The following DUSP16 variants were observed in gnomAD, a reference collection of about 807,000 sequenced individuals.
DUSP16 encodes the protein dual specificity phosphatase 16.
Under a neutral mutation model 58.3 loss-of-function variants are expected in DUSP16, and 21 were observed. The ratio of observed to expected loss-of-function variants is 0.36; its 90% CI spans 0.26 to 0.52. The LOEUF is 0.52. DUSP16 is among the 20% of genes least tolerant of loss of function. DUSP16 has a pLI of 0.94. For missense variants in DUSP16, 726 were observed against 819.0 expected (o/e 0.89, Z 1.39); for synonymous variants, 320 against 323.8 (o/e 0.99, Z 0.12).
intron 4 of DUSP16, among the ~76,000 whole-genome samples, chr12:12,496,636 A>G (rs1943831868): frequency 6.6e-6 from 1 of 152,256 alleles, no homozygotes. Context: ...AAATGTGAAC[A>G]AAAGTCTGCA....
In DUSP16 at chr12:12,476,583, T is replaced by A; in HGVS notation, c.*250A>T. ...AGGATGTGTAATTCACTGAATAAAA[T>A]GGTTTTCCTCCGTCTAGGGGGGATT... is the stretch of plus-strand genomic sequence containing the variant. On this transcript the variant is annotated 3_prime_UTR_variant, in exon 7 of 7. Coordinates refer to ENST00000298573, the MANE Select transcript of DUSP16 (RefSeq NM_030640.3). 1 of 372,872 alleles carries A rather than the reference T, an allele frequency of 2.7e-6. No homozygotes were observed. Among genetic ancestry groups the A allele is most frequent in the Non-Finnish European group, 4.7e-6 (1 of 210,576 alleles). 23.1% of individuals were successfully genotyped at this position (372,872 alleles called of 1,614,324 possible).
chr12:12,477,384 G>C lies in DUSP16; in HGVS notation c.1447C>G (p.Arg483Gly), dbSNP rs1224744175. 6.2e-7 allele frequency: 1 copy of C among 1,613,218 alleles called. No homozygotes were observed. Among genetic ancestry groups the C allele is most frequent in the South Asian group, 1.1e-5 (1 of 91,000 alleles). The change falls in exon 7 of 7, where the codon CGA (arginine) becomes GGA (glycine). Residue 483 changes from arginine (R) to glycine (G), a missense_variant. Physicochemically the swap from Arg to Gly is moderately radical, Grantham distance 125 (BLOSUM62 -2). Transcript: ENST00000298573. The surrounding 1 kb of genome is among the most constrained non-coding windows in gnomAD (Gnocchi z 4.1). ...CTGCTGGTTCTGACCGAATGCAATCGCTTGCTCTGGCTGTCTGAAGGCCTG... is the reference window on the plus strand; with the variant it reads ...CTGCTGGTTCTGACCGAATGCAATCCCTTGCTCTGGCTGTCTGAAGGCCTG... ...TARPSDSQSK[R>G]LHSVRTSSSG...
At chr12:12,548,423 G>A (rs1466073108) in intron 1 of DUSP16, among the ~76,000 whole-genome samples, 4 of 151,994 alleles carry the variant, frequency 2.6e-5, no homozygotes, top group African/African-American at 9.7e-5. Flanking sequence ...CCTGAGGTCA[G>A]GAGTTTGAGA....
chr12:12,548,871 G>C (rs1944687345), intron 1 of DUSP16, among the ~76,000 whole-genome samples: 1 of 152,004 alleles, frequency 6.6e-6, no homozygotes, highest in Non-Finnish European at 1.5e-5. Flanking sequence ...AAATCATCAG[G>C]AGGGGATTTC....
chr12:12,480,497 TGAG>T (rs1943544401), intron 5 of DUSP16, 151 bp from the exon 6 acceptor site: 1 of 934,806 alleles, frequency 1.1e-6, no homozygotes, highest in East Asian at 2.8e-5. Flanking sequence ...AATATTCTTT[TGAG>T]GAGGCAGGGG....
chr12:12,504,771 A>G (rs10743989), intron 3 of DUSP16, among the ~76,000 whole-genome samples: 57,680 of 150,272 alleles, frequency 0.38, 11,424 homozygotes, highest in East Asian at 0.52. Context: ...CAGCTACTTG[A>G]GAGGCTGAGG....
chr12:12,480,939 T>G (rs1943552926), intron 5 of DUSP16, among the ~76,000 whole-genome samples: 1 of 152,090 alleles, frequency 6.6e-6, no homozygotes, highest in Non-Finnish European at 1.5e-5. Flanking sequence ...GGCTGGTCTC[T>G]AACTCCTGGC....
In DUSP16 at chr12:12,551,691, C is replaced by CT. The variant is rs35198357; in HGVS notation, c.-366+10425dup. Among the ~76,000 whole-genome samples, 556 of 140,104 alleles carry CT rather than the reference C, an allele frequency of 4.0e-3. 2 individuals carry two copies. Among genetic ancestry groups the CT allele is most frequent in the Middle Eastern group, 7.4e-3 (2 of 270 alleles). The allele number at this position is 140,104 out of a possible 152,430, so 91.9% of individuals were successfully genotyped here. On this transcript the variant is annotated intron_variant, in intron 1 of 6. Coordinates refer to ENST00000298573, the MANE Select transcript of DUSP16 (RefSeq NM_030640.3). Reference sequence around the variant, plus strand: ...CAAAGATGTGCAGAACTTAGTAAACCTTTTTTTTTTTTTTTTTCCGAGATG... The same window carrying CT: ...CAAAGATGTGCAGAACTTAGTAAACCTTTTTTTTTTTTTTTTTTCCGAGATG...
At chr12:12,550,390 G>T (rs1348141081) in intron 1 of DUSP16, among the ~76,000 whole-genome samples, 1 of 152,104 alleles carries the variant, frequency 6.6e-6, no homozygotes, top group Admixed American at 6.5e-5. Flanking sequence ...CCCCTTCAAG[G>T]GATCTATAAA....
chr12:12,485,524 G>C (rs531620359), intron 5 of DUSP16: 3 of 151,852 alleles, frequency 2.0e-5, no homozygotes, highest in Admixed American at 6.6e-5. Context: ...TCCACTTTTT[G>C]TTTTTGAGAC....
intron 1 of DUSP16, among the ~76,000 whole-genome samples, chr12:12,536,162 C>A (rs4421828): frequency 6.6e-6 from 1 of 152,046 alleles, no homozygotes; most frequent in African/African-American, 2.4e-5. Flanking sequence ...AGAATGGTAA[C>A]TATAAAACCT....
chr12:12,477,318 G>C lies in DUSP16; in HGVS notation c.1513C>G (p.Arg505Gly), dbSNP rs1216932338. 5.0e-6 allele frequency: 8 copies of C among 1,614,128 alleles called. No individual in the cohort carries two copies. Among genetic ancestry groups the C allele is most frequent in the Non-Finnish European group, 6.8e-6 (8 of 1,180,054 alleles). The change falls in exon 7 of 7, where the codon CGA becomes GGA. Residue 505 changes from arginine to glycine, a missense_variant. Physicochemically the swap from Arg to Gly is moderately radical, Grantham distance 125 (BLOSUM62 -2). Coordinates refer to ENST00000298573, the MANE Select transcript of DUSP16 (RefSeq NM_030640.3). The surrounding 1 kb of genome is among the most constrained non-coding windows in gnomAD (Gnocchi z 4.1). ...TAATTGTCCTCCACGCTCCCACTTC[G>C]ATGCAGTGGAGATAAAAGGGACCTC... ...AQRSLLSPLH[R>G]SGSVEDNYHT...
chr12:12,520,950 C>A lies in DUSP16; in HGVS notation c.149G>T (p.Cys50Phe). Residue 50 changes from cysteine (C) to phenylalanine (F), a missense_variant, in exon 2 of 7, where the codon TGC becomes TTC. By Grantham distance (205) the Cys-to-Phe change is radical. Coordinates refer to ENST00000298573, the MANE Select transcript of DUSP16 (RefSeq NM_030640.3). ...SHILEAININ[C>F]SKLMKRRLQQ... The stretch of plus-strand genomic sequence containing the variant: ...CAACCTTCGCTTCATAAGCTTGGAG[C>A]AGTTGATATTAATGGCTTCCAAAAT... 6.2e-7 allele frequency: 1 copy of A among 1,614,158 alleles called. No individual in the cohort carries two copies. The highest frequency in any genetic ancestry group is 8.5e-7 in the Non-Finnish European group (1 of 1,180,024).
chr12:12,527,792 C>A (rs560159599), intron 1 of DUSP16, among the ~76,000 whole-genome samples: 1 of 152,208 alleles, frequency 6.6e-6, no homozygotes. Flanking sequence ...GATACTAGAC[C>A]TGGAGACAGC....
chr12:12,484,558 T>C (rs1301459757), intron 5 of DUSP16, among the ~76,000 whole-genome samples: 1 of 152,224 alleles, frequency 6.6e-6, no homozygotes, highest in Non-Finnish European at 1.5e-5. Flanking sequence ...GATTTTTAGC[T>C]GAAATTAGAG....
At chr12:12,557,708 C>T (rs117971580) in intron 1 of DUSP16, among the ~76,000 whole-genome samples, 26 of 152,284 alleles carry the variant, frequency 1.7e-4, no homozygotes, top group Non-Finnish European at 2.9e-4. Flanking sequence ...CCTTTACTAC[C>T]GACCACTATT....
At chr12:12,551,260 G>A (rs748664705) in intron 1 of DUSP16, among the ~76,000 whole-genome samples, 4 of 151,790 alleles carry the variant, frequency 2.6e-5, no homozygotes, top group Non-Finnish European at 5.9e-5. Context: ...CCAGCACCTC[G>A]GGAAGCCTAG....
intron 1 of DUSP16, among the ~76,000 whole-genome samples, chr12:12,540,320 A>AC (rs1161638361): frequency 2.6e-5 from 4 of 151,988 alleles, no homozygotes; most frequent in Admixed American, 6.6e-5. Context: ...ACAGAGTGAG[A>AC]CCCTGTCTTA....
intron 3 of DUSP16, among the ~76,000 whole-genome samples, chr12:12,508,175 C>T (rs933673206): frequency 6.6e-6 from 1 of 152,076 alleles, no homozygotes; most frequent in Non-Finnish European, 1.5e-5. Context: ...ACTTTAATTG[C>T]TCTTAAGAGT....
Sources: allele counts gnomAD v4.1 joint callset (sites outside exome capture counted in the v4.1 genomes callset), GRCh38; gene constraint gnomAD v4.1.1; non-coding constraint Gnocchi (gnomAD v3.1); transcripts MANE v1.5; gene names NCBI Gene and HGNC (gene_info 2026-07-23, HGNC 2026-07-21).